Variants in FOXP1 observed in about 807,000 individuals in gnomAD.
FOXP1 encodes the protein forkhead box protein P1.
FOXP1 carries 15 observed loss-of-function variants against 98.2 expected under a neutral mutation model. The ratio of observed to expected loss-of-function variants is 0.15; its 90% CI spans 0.10 to 0.24. The LOEUF is 0.24. Ranked by LOEUF, FOXP1 falls within the 10% of genes least tolerant of loss-of-function variation. The pLI is 1.00. For missense variants in FOXP1, 633 were observed against 848.5 expected, an observed-to-expected ratio of 0.75 and a Z score of 3.15; for synonymous variants, 371 against 314.5, an observed-to-expected ratio of 1.18 and a Z score of -1.90.
intron 5 of FOXP1, among the ~76,000 whole-genome samples, chr3:71,220,926 T>C (rs1221662133): frequency 2.5e-5 from 1 of 40,232 alleles, no homozygotes; most frequent in African/African-American, 1.0e-4. Context: ...CCTCTTTTTT[T>C]TTTCTTTTAA....
chr3:71,026,737 C>T (rs995817725), intron 11 of FOXP1, among the ~76,000 whole-genome samples: 3 of 152,158 alleles, frequency 2.0e-5, no homozygotes, highest in Non-Finnish European at 4.4e-5. Flanking sequence ...CCTTTCCAGC[C>T]ACACTGGGCA....
At chr3:71,456,291 G>A (rs1005517794) in intron 3 of FOXP1, among the ~76,000 whole-genome samples, 6 of 152,086 alleles carry the variant, frequency 3.9e-5, no homozygotes, top group African/African-American at 9.7e-5. Flanking sequence ...AGGCAAAACA[G>A]GAAATTTGAG....
chr3:71,445,606 A>G (rs1390831383), intron 3 of FOXP1, among the ~76,000 whole-genome samples: 3 of 152,106 alleles, frequency 2.0e-5, no homozygotes, highest in African/African-American at 7.2e-5. Flanking sequence ...GTATGCCCCA[A>G]GTCTGTTTTT....
chr3:71,583,465 CTTTTT>C (rs1195207970), intron 1 of FOXP1, 101 bp downstream of exon 1: 4 of 736,096 alleles, frequency 5.4e-6, no homozygotes, highest in Non-Finnish European at 6.5e-6. Flanking sequence ...TTCTTTCTTT[CTTTTT>C]TTTTTTTTGT....
At position 71,379,874 on chromosome 3, in the gene FOXP1, T is replaced by C. The variant is rs554349864; in HGVS notation, c.-167-20630A>G. Among the ~76,000 whole-genome samples the C allele has an allele frequency of 7.2e-5, 11 of 152,378 alleles. No individual in the cohort carries two copies. In the South Asian group the frequency reaches 8.3e-4, roughly 11 times the overall value. ...TGTTTATACCATTGTTCTGGCTTCA[T>C]AGTATTTACTTTAGGTAATCATCTA... On this transcript the variant is annotated intron_variant, in intron 3 of 20. Transcript: ENST00000649528.
At chr3:71,523,783 C>T (rs930091809) in intron 2 of FOXP1, among the ~76,000 whole-genome samples, 56 of 152,218 alleles carry the variant, frequency 3.7e-4, no homozygotes, top group East Asian at 7.7e-4. Flanking sequence ...TCACAGGGCC[C>T]TAAAATGAAT....
rs149523761 is a variant in FOXP1, at chr3:71,310,496, G to A, written c.-72-10616C>T. Among the ~76,000 whole-genome samples, 248 of 152,340 alleles carry A rather than the reference G, an allele frequency of 1.6e-3. 1 individual carries two copies. The highest frequency in any genetic ancestry group is 5.7e-3 in the African/African-American group (239 of 41,580). ...TGCTTTTCTGCAGGGGCATGCTGGA[G>A]GCAGACGTTCTCTATCAGGCAAGAG... On this transcript the variant is annotated intron_variant, in intron 4 of 20. Transcript: ENST00000649528.
At chr3:71,341,721 A>C (rs1160235431) in intron 4 of FOXP1, among the ~76,000 whole-genome samples, 1 of 152,246 alleles carries the variant, frequency 6.6e-6, no homozygotes, top group African/African-American at 2.4e-5. Flanking sequence ...AAAACAAAGA[A>C]GAAAGATTTG....
rs183340374 is a variant in FOXP1, at chr3:71,176,676, G to A, written c.180+21526C>T. Among the ~76,000 whole-genome samples, 4 of 141,760 alleles carry A rather than the reference G, an allele frequency of 2.8e-5. No homozygotes were observed. The East Asian group carries it at 8.9e-4, about 31-fold the overall frequency. The allele number at this position is 141,760 out of a possible 152,430, so 93.0% of individuals were successfully genotyped here. ...GGATTGCTTGAGCCCAGGAGTTCAA[G>A]GCTGCAGTGAGCTATGATTGGACTA... On this transcript the variant is annotated intron_variant, in intron 6 of 20. Transcript: ENST00000649528.
chr3:71,190,638 C>CAAAAAAAAAAAA, intron 6 of FOXP1, among the ~76,000 whole-genome samples: 1 of 43,496 alleles, frequency 2.3e-5, no homozygotes, highest in Non-Finnish European at 4.2e-5. Flanking sequence ...ACCCCATCTC[C>CAAAAAAAAAAAA]AAAAAAAAAA....
chr3:70,986,259 G>A (rs1170060526), intron 14 of FOXP1, among the ~76,000 whole-genome samples: 7 of 152,136 alleles, frequency 4.6e-5, no homozygotes, highest in African/African-American at 1.7e-4. Flanking sequence ...TACACACATG[G>A]TGCTCTCTGC....
At chr3:71,387,299 G>A (rs1377873587) in intron 3 of FOXP1, among the ~76,000 whole-genome samples, 3 of 152,180 alleles carry the variant, frequency 2.0e-5, no homozygotes, top group Non-Finnish European at 2.9e-5. Context: ...GGGGCATAGT[G>A]CATCTCTCAG....
intron 12 of FOXP1, among the ~76,000 whole-genome samples, chr3:71,004,057 C>T (rs183275217): frequency 1.4e-3 from 205 of 147,544 alleles, no homozygotes; most frequent in African/African-American, 5.1e-3. Flanking sequence ...AAAGAAAACA[C>T]AGCATTGTGG....
chr3:71,161,260 G>A (rs1297096662), intron 6 of FOXP1, among the ~76,000 whole-genome samples: 1 of 152,168 alleles, frequency 6.6e-6, no homozygotes, highest in Non-Finnish European at 1.5e-5. Context: ...GATTGGCTGG[G>A]CTCAGCTAGG....
intron 3 of FOXP1, among the ~76,000 whole-genome samples, chr3:71,396,809 C>T (rs79306537): frequency 0.051 from 7,523 of 148,382 alleles, 232 homozygotes; most frequent in Non-Finnish European, 0.058. Context: ...ACGAATACAG[C>T]CCTGATTCTA....
At chr3:71,243,127 A>G (rs985187094) in intron 5 of FOXP1, among the ~76,000 whole-genome samples, 2 of 152,208 alleles carry the variant, frequency 1.3e-5, no homozygotes, top group African/African-American at 4.8e-5. Context: ...GCCCCAAAGT[A>G]AAAATAAACC....
Position 70,956,463 on chromosome 3 carries a change from T to C in FOXP1, c.*2784A>G. 1 of 219,170 alleles carries C rather than the reference T, an allele frequency of 4.6e-6. No individual in the cohort carries two copies. Among genetic ancestry groups the C allele is most frequent in the East Asian group, 6.6e-5 (1 of 15,214 alleles). The allele number at this position is 219,170 out of a possible 1,614,324, so 13.6% of individuals were successfully genotyped here. A position where few individuals can be genotyped will look rare whatever the true frequency, so the allele number is the denominator to read the frequency against. On this transcript the variant is annotated 3_prime_UTR_variant, in exon 21 of 21. Coordinates refer to ENST00000649528, the MANE Select transcript of FOXP1 (RefSeq NM_001349338.3). ...GTCTTTAGACTAAGCATGCAAGACATACGACTAAGTGCAACTGAGTGAAAT... is the reference window on the plus strand; with the variant it reads ...GTCTTTAGACTAAGCATGCAAGACACACGACTAAGTGCAACTGAGTGAAAT...
intron 2 of FOXP1, among the ~76,000 whole-genome samples, chr3:71,496,251 G>A (rs910052704): frequency 3.3e-5 from 5 of 152,198 alleles, no homozygotes; most frequent in African/African-American, 7.2e-5. Flanking sequence ...GAAGCAGTAC[G>A]GGTGACACAG....
chr3:71,217,084 A>G (rs905559793), intron 5 of FOXP1, among the ~76,000 whole-genome samples: 24 of 152,046 alleles, frequency 1.6e-4, no homozygotes, highest in Admixed American at 6.6e-5. Context: ...ATGTATTATT[A>G]TTTTTTGAGA....
Sources: gnomAD v4.1 joint callset for allele counts (sites outside exome capture counted in the v4.1 genomes callset) on GRCh38, gnomAD v4.1.1 for gene constraint, MANE v1.5 for transcripts, NCBI Gene and HGNC (gene_info 2026-07-23, HGNC 2026-07-21) for gene names.